Variants in TJP1 observed in about 807,000 individuals in gnomAD.
TJP1 encodes the protein tight junction protein ZO-1.
Under a neutral mutation model 194.2 loss-of-function variants are expected in TJP1, and 43 were observed. The ratio of observed to expected loss-of-function variants is 0.22; its 90% CI spans 0.17 to 0.29. The LOEUF is 0.29. Among genes scored for constraint, TJP1 ranks in the 10% least tolerant of loss-of-function variants. The pLI, the probability that TJP1 is intolerant of heterozygous loss-of-function variation, is 1.00. For missense variants in TJP1, 1,971 were observed against 2,185.7 expected (o/e 0.90, Z 1.96); for synonymous variants, 801 against 779.0 (o/e 1.03, Z -0.47).
chr15:29,789,425 G>A (rs948287843), intron 2 of TJP1, among the ~76,000 whole-genome samples: 5 of 152,170 alleles, frequency 3.3e-5, no homozygotes, highest in African/African-American at 9.7e-5. Context: ...CAGAATCCAT[G>A]AGGAGGCAAA....
intron 4 of TJP1, among the ~76,000 whole-genome samples, chr15:29,771,631 C>T (rs2046685296): frequency 6.6e-6 from 1 of 151,980 alleles, no homozygotes; most frequent in Admixed American, 6.6e-5. Flanking sequence ...CGGTGAAACC[C>T]TGTCTCTACT....
chr15:29,882,246 T>C (rs1461948958), intron 2 of TJP1, among the ~76,000 whole-genome samples: 1 of 152,078 alleles, frequency 6.6e-6, no homozygotes, highest in Non-Finnish European at 1.5e-5. Context: ...GTTTTCACCA[T>C]ATGTTTTGTG....
intron 18 of TJP1, 24 bp from the exon 19 acceptor site, chr15:29,720,732 C>G: frequency 6.5e-7 from 1 of 1,537,788 alleles, no homozygotes; most frequent in Non-Finnish European, 8.8e-7. Context: ...AAGTAAATTA[C>G]AAATTTTATT....
chr15:29,768,611 C>CA (rs2046462656), intron 4 of TJP1, among the ~76,000 whole-genome samples: 1 of 152,094 alleles, frequency 6.6e-6, no homozygotes, highest in Non-Finnish European at 1.5e-5. Flanking sequence ...TATACCTATC[C>CA]AGCCCACTAA....
chr15:29,949,621 C>A (rs1382183201), intron 2 of TJP1, among the ~76,000 whole-genome samples: 4 of 135,414 alleles, frequency 3.0e-5, no homozygotes, highest in African/African-American at 5.6e-5. Flanking sequence ...TCACCACCAC[C>A]ACCTCCACCT....
At chr15:29,884,525 C>T (rs1596181084) in intron 2 of TJP1, among the ~76,000 whole-genome samples, 1 of 152,302 alleles carries the variant, frequency 6.6e-6, no homozygotes, top group East Asian at 1.9e-4. Context: ...GTAGGCAGAA[C>T]TTCATCCAAT....
chr15:29,818,611 T>C (rs781411578), intron 1 of TJP1, among the ~76,000 whole-genome samples: 3 of 151,922 alleles, frequency 2.0e-5, no homozygotes, highest in Non-Finnish European at 2.9e-5. Flanking sequence ...TTCAAGCGTT[T>C]CTCCTGCCTC....
At chr15:29,776,109 G>A (rs1348288674) in intron 2 of TJP1, among the ~76,000 whole-genome samples, 2 of 151,934 alleles carry the variant, frequency 1.3e-5, no homozygotes, top group Non-Finnish European at 2.9e-5. Context: ...CAATATTACA[G>A]CTCAACATAA....
At chr15:29,760,127 C>A in intron 8 of TJP1, 1 of 680,396 alleles carries the variant, frequency 1.5e-6, no homozygotes, top group Non-Finnish European at 2.7e-6. Context: ...TCTCTTCAGC[C>A]CTGGACTCAT....
At chr15:29,880,468 C>T (rs1334259694) in intron 2 of TJP1, among the ~76,000 whole-genome samples, 2 of 152,140 alleles carry the variant, frequency 1.3e-5, no homozygotes, top group Non-Finnish European at 2.9e-5. Flanking sequence ...AAAATCTACC[C>T]TCTTAACGGA....
chr15:29,931,402 A>G (rs1394334853), intron 2 of TJP1, among the ~76,000 whole-genome samples: 2 of 152,196 alleles, frequency 1.3e-5, no homozygotes, highest in Non-Finnish European at 2.9e-5. Flanking sequence ...ACTATATAAC[A>G]AATCAAACTA....
intron 1 of TJP1, among the ~76,000 whole-genome samples, chr15:29,817,724 T>A (rs1173086946): frequency 6.6e-6 from 1 of 152,070 alleles, no homozygotes; most frequent in Non-Finnish European, 1.5e-5. Flanking sequence ...CTCAGCAAAC[T>A]AACACCAGAA....
intron 2 of TJP1, among the ~76,000 whole-genome samples, chr15:29,942,811 G>A (rs1037073459): frequency 2.6e-5 from 4 of 152,236 alleles, no homozygotes; most frequent in Non-Finnish European, 5.9e-5. Flanking sequence ...GGCAAGGGCA[G>A]GCCCGGGGGG....
chr15:29,704,367 T>C (rs531991532), intron 26 of TJP1, 62 bp from the exon 27 acceptor site: 1 of 1,521,700 alleles, frequency 6.6e-7, no homozygotes, highest in African/African-American at 1.4e-5. Flanking sequence ...AGAATCCCAG[T>C]TTTCCTCACC....
chr15:29,708,445 G>A (rs2042040186), intron 25 of TJP1, 114 bp downstream of exon 25: 2 of 859,108 alleles, frequency 2.3e-6, no homozygotes, highest in Admixed American at 2.3e-5. Context: ...ACACTCTTCA[G>A]TTTAAAGGTT....
chr15:29,968,739 G>A, exon 1 of TJP1: 4 of 1,231,878 alleles, frequency 3.2e-6, no homozygotes, highest in Non-Finnish European at 4.2e-6. Context: ...CTGCAGCACC[G>A]TCAGGTATTT....
chr15:29,784,572 T>C (rs2047578555), intron 2 of TJP1, among the ~76,000 whole-genome samples: 1 of 152,114 alleles, frequency 6.6e-6, no homozygotes, highest in South Asian at 2.1e-4. Flanking sequence ...AGTGTTGGGA[T>C]TACAGGCATG....
At chr15:29,852,734 C>T (rs184177544) in intron 2 of TJP1, among the ~76,000 whole-genome samples, 20 of 152,010 alleles carry the variant, frequency 1.3e-4, no homozygotes, top group Admixed American at 4.6e-4. Flanking sequence ...GGAGAAACCC[C>T]GTCTCTACTA....
intron 1 of TJP1, among the ~76,000 whole-genome samples, chr15:29,962,770 A>G (rs2056203966): frequency 6.6e-6 from 1 of 152,238 alleles, no homozygotes; most frequent in Non-Finnish European, 1.5e-5. Context: ...TAACTCATGT[A>G]ATAGGTTAAC....
Sources: allele counts gnomAD v4.1 joint callset (sites outside exome capture counted in the v4.1 genomes callset), GRCh38; gene constraint gnomAD v4.1.1; transcripts MANE v1.5; gene names NCBI Gene and HGNC (gene_info 2026-07-23, HGNC 2026-07-21).